The following COL23A1 variants were observed in gnomAD, a reference collection of about 807,000 sequenced individuals.
The protein encoded by COL23A1 is collagen type XXIII alpha 1 chain, also known as collagen alpha-1(XXIII) chain.
A neutral mutation model predicts 99.3 loss-of-function variants in COL23A1; 97 were observed. The observed-to-expected ratio is 0.98, with a 90% CI of 0.83 to 1.16. The LOEUF (loss-of-function observed/expected upper bound fraction) is 1.16. Among genes scored for constraint, COL23A1 ranks in the 50% most tolerant of loss-of-function variants. The pLI is 0.00. For synonymous variants in COL23A1, 320 were observed against 308.2 expected, an observed-to-expected ratio of 1.04 and a Z score of -0.40; for missense variants, 762 against 757.4, an observed-to-expected ratio of 1.01 and a Z score of -0.07.
intron 2 of COL23A1, among the ~76,000 whole-genome samples, chr5:178,519,207 C>G (rs1759806379): frequency 6.6e-6 from 1 of 152,272 alleles, no homozygotes; most frequent in South Asian, 2.1e-4. Context: ...CCCTCTCTGC[C>G]CGCAGCCCCA....
At chr5:178,291,709 C>G (rs550879373) in intron 3 of COL23A1, among the ~76,000 whole-genome samples, 1 of 151,848 alleles carries the variant, frequency 6.6e-6, no homozygotes, top group Non-Finnish European at 1.5e-5. Context: ...CCTGGAGATG[C>G]GCTGAGGTGT....
At chr5:178,374,919 A>G (rs34970888) in intron 2 of COL23A1, among the ~76,000 whole-genome samples, 10,939 of 152,270 alleles carry the variant, frequency 0.072, 651 homozygotes, top group African/African-American at 0.17. Flanking sequence ...AATAACCCAT[A>G]ATCAAGTAGC....
chr5:178,393,688 C>G (rs1456724840), intron 2 of COL23A1, among the ~76,000 whole-genome samples: 2 of 148,674 alleles, frequency 1.3e-5, no homozygotes, highest in African/African-American at 5.1e-5. Context: ...CTTGCTGTGT[C>G]ACCCAGGCGC....
At chr5:178,327,413 A>C (rs1759749099) in intron 2 of COL23A1, among the ~76,000 whole-genome samples, 1 of 152,070 alleles carries the variant, frequency 6.6e-6, no homozygotes, top group Non-Finnish European at 1.5e-5. Flanking sequence ...AAACCTGCCC[A>C]CCTCTCCCTG....
chr5:178,361,854 C>T (rs1762192029), intron 2 of COL23A1, among the ~76,000 whole-genome samples: 1 of 152,182 alleles, frequency 6.6e-6, no homozygotes, highest in Non-Finnish European at 1.5e-5. Context: ...CAAGACCAGT[C>T]AGCAGGCGGG....
At chr5:178,486,742 C>G (rs1757653449) in intron 2 of COL23A1, among the ~76,000 whole-genome samples, 1 of 152,138 alleles carries the variant, frequency 6.6e-6, no homozygotes, top group South Asian at 2.1e-4. Context: ...CCAAGAGGCT[C>G]TGTATCTAAA....
At position 178,271,811 on chromosome 5, in the gene COL23A1, G is replaced by A. The variant is rs35537149; in HGVS notation, c.442-1448C>T. ...GTATTTGGACCTAACAAGTGTGTGTGTGGGGGCGGGGAGGGCCCTGTAAGC... is the reference window on the plus strand; with the variant it reads ...GTATTTGGACCTAACAAGTGTGTGTATGGGGGCGGGGAGGGCCCTGTAAGC... On this transcript the variant is annotated intron_variant, in intron 5 of 28. Transcript: ENST00000390654. Among the ~76,000 whole-genome samples the A allele has an allele frequency of 6.9e-3, 1,057 of 152,356 alleles. 12 individuals carry two copies. Among genetic ancestry groups the A allele is most frequent in the Non-Finnish European group, 0.011 (769 of 68,024 alleles).
intron 2 of COL23A1, among the ~76,000 whole-genome samples, chr5:178,528,295 C>T (rs1760434380): frequency 6.6e-6 from 1 of 152,212 alleles, no homozygotes; most frequent in African/African-American, 2.4e-5. Flanking sequence ...TCACACACTC[C>T]CTACAGGGGA....
intron 2 of COL23A1, among the ~76,000 whole-genome samples, chr5:178,350,205 G>A (rs753968824): frequency 2.6e-5 from 4 of 152,202 alleles, no homozygotes; most frequent in East Asian, 1.9e-4. Flanking sequence ...CCTCCAGGAC[G>A]CCCACCTGGT....
chr5:178,341,602 T>C (rs1760664398), intron 2 of COL23A1, among the ~76,000 whole-genome samples: 1 of 152,188 alleles, frequency 6.6e-6, no homozygotes, highest in Admixed American at 6.5e-5. Flanking sequence ...CTCTGGGCCC[T>C]GGGTGGGTGA....
At chr5:178,401,321 G>A (rs1009473434) in intron 2 of COL23A1, among the ~76,000 whole-genome samples, 12 of 152,332 alleles carry the variant, frequency 7.9e-5, no homozygotes, top group African/African-American at 2.6e-4. Flanking sequence ...ACTGGGGTAC[G>A]AGCATCTGTT....
At chr5:178,257,886 A>C (rs1032601558) in intron 12 of COL23A1, among the ~76,000 whole-genome samples, 1 of 152,188 alleles carries the variant, frequency 6.6e-6, no homozygotes, top group African/African-American at 2.4e-5. Context: ...GGGTCAGAGG[A>C]GGCCAAGGAA....
chr5:178,385,076 T>C (rs1377520643), intron 2 of COL23A1, among the ~76,000 whole-genome samples: 10 of 152,142 alleles, frequency 6.6e-5, no homozygotes, highest in African/African-American at 1.7e-4. Context: ...GCTGGACTCA[T>C]GTTGTCACAG....
At chr5:178,409,073 A>T (rs543815334) in intron 2 of COL23A1, among the ~76,000 whole-genome samples, 65 of 151,466 alleles carry the variant, frequency 4.3e-4, no homozygotes, top group Non-Finnish European at 8.1e-4. Flanking sequence ...GAGATAGGAA[A>T]TTTTTATGTC....
intron 2 of COL23A1, among the ~76,000 whole-genome samples, chr5:178,410,263 G>A (rs1764990769): frequency 6.6e-6 from 1 of 152,150 alleles, no homozygotes; most frequent in South Asian, 2.1e-4. Context: ...TTATGAATAG[G>A]AATACTTAAT....
intron 2 of COL23A1, among the ~76,000 whole-genome samples, chr5:178,534,529 C>T (rs535553812): frequency 1.8e-4 from 28 of 152,246 alleles, no homozygotes; most frequent in Admixed American, 1.6e-3. Flanking sequence ...CCTGTTAATC[C>T]CAGCAATTTG....
chr5:178,517,891 T>C (rs1759637001), intron 2 of COL23A1, among the ~76,000 whole-genome samples: 1 of 126,634 alleles, frequency 7.9e-6, no homozygotes, highest in Non-Finnish European at 1.8e-5. Flanking sequence ...TTTTTTTTTT[T>C]TTTTTTTTTT....
intron 2 of COL23A1, among the ~76,000 whole-genome samples, chr5:178,377,335 C>T (rs1763125804): frequency 6.6e-6 from 1 of 151,724 alleles, no homozygotes; most frequent in African/African-American, 2.4e-5. Context: ...CTTCCTTTTC[C>T]AAGGGAAGGC....
At chr5:178,433,372 G>C (rs1214462757) in intron 2 of COL23A1, among the ~76,000 whole-genome samples, 1 of 152,198 alleles carries the variant, frequency 6.6e-6, no homozygotes, top group Non-Finnish European at 1.5e-5. Flanking sequence ...GCAGTGTCTA[G>C]GGCGGTCCTG....
Sources: gnomAD v4.1 joint callset for allele counts (sites outside exome capture counted in the v4.1 genomes callset) on GRCh38, gnomAD v4.1.1 for gene constraint, MANE v1.5 for transcripts, NCBI Gene and HGNC (gene_info 2026-07-23, HGNC 2026-07-21) for gene names.